Variants in ZFYVE9 observed in about 807,000 individuals in gnomAD.
ZFYVE9 encodes zinc finger FYVE-type containing 9, also known as zinc finger FYVE domain-containing protein 9.
ZFYVE9 carries 43 observed loss-of-function variants against 126.7 expected under a neutral mutation model. The ratio of observed to expected loss-of-function variants is 0.34; its 90% CI spans 0.27 to 0.44. The LOEUF is 0.44. ZFYVE9 is among the 20% of genes least tolerant of loss of function. The pLI is 1.00. For synonymous variants in ZFYVE9, 521 were observed against 597.4 expected (o/e 0.87, Z 1.87); for missense variants, 1,476 against 1,697.0 (o/e 0.87, Z 2.29).
chr1:52,167,051 G>T (rs12077487), intron 1 of ZFYVE9, among the ~76,000 whole-genome samples: 5,435 of 152,238 alleles, frequency 0.036, 239 homozygotes, highest in African/African-American at 0.11. Context: ...AAAAAGTTTT[G>T]CAAAAGGAGT....
chr1:52,285,470 G>A (rs576113562), intron 10 of ZFYVE9, among the ~76,000 whole-genome samples: 2 of 152,242 alleles, frequency 1.3e-5, no homozygotes, highest in African/African-American at 4.8e-5. Flanking sequence ...GCTCACGTTA[G>A]CGCCTGAGCT....
At chr1:52,340,334 T>C (rs1646422464) in intron 17 of ZFYVE9, 103 bp downstream of exon 17, 2 of 803,474 alleles carry the variant, frequency 2.5e-6, no homozygotes, top group Admixed American at 5.3e-5. Context: ...GAAAAAAATA[T>C]CTCTGAGAAA....
chr1:52,333,667 C>T (rs769025932), intron 14 of ZFYVE9, among the ~76,000 whole-genome samples: 36 of 152,018 alleles, frequency 2.4e-4, no homozygotes, highest in Non-Finnish European at 3.5e-4. Flanking sequence ...TAAGAAACCC[C>T]GTGTTAGGCC....
intron 1 of ZFYVE9, among the ~76,000 whole-genome samples, chr1:52,175,448 C>G (rs2124530703): frequency 6.6e-6 from 1 of 151,730 alleles, no homozygotes; most frequent in South Asian, 2.1e-4. Context: ...TTTTTTCCTT[C>G]ATTTCAACTT....
intron 17 of ZFYVE9, among the ~76,000 whole-genome samples, chr1:52,341,351 T>G (rs961453047): frequency 6.6e-6 from 1 of 152,248 alleles, no homozygotes; most frequent in African/African-American, 2.4e-5. Context: ...CCCACTGTAT[T>G]AATTTGCTCC....
rs189293991 is a variant in ZFYVE9 at position 52,231,393 on chromosome 1, C to G, written c.-36-1778C>G. ...ATTAGCCAGGCATGGTGGCACACAC[C>G]TGTAGCCCCAGCTACTCTGGAGGGT... On this transcript the variant is annotated intron_variant, in intron 2 of 18. Transcript: ENST00000287727. 7.7e-3 allele frequency among the ~76,000 whole-genome samples: 1,166 copies of G among 151,990 alleles called. 5 individuals are homozygous for G. Among genetic ancestry groups the G allele is most frequent in the Non-Finnish European group, 0.01 (703 of 67,996 alleles).
At chr1:52,147,649 A>G (rs1644317207) in intron 1 of ZFYVE9, among the ~76,000 whole-genome samples, 2 of 152,178 alleles carry the variant, frequency 1.3e-5, no homozygotes, top group East Asian at 1.9e-4. Flanking sequence ...CTTTTTGGCT[A>G]CTATAAATAA....
chr1:52,280,769 A>T (rs1420430639), intron 9 of ZFYVE9, among the ~76,000 whole-genome samples: 1 of 152,114 alleles, frequency 6.6e-6, no homozygotes, highest in Non-Finnish European at 1.5e-5. Context: ...ATTATCTAGA[A>T]TTTTTTCCTG....
intron 1 of ZFYVE9, chr1:52,180,043 C>G: frequency 1.2e-6 from 1 of 831,692 alleles, no homozygotes; most frequent in Non-Finnish European, 2.1e-6. Flanking sequence ...GATGAATGTG[C>G]TATTGAAATG....
Position 52,238,571 on chromosome 1 carries a change from A to T in ZFYVE9, c.1154A>T (p.Glu385Val). The change falls in exon 4 of 19, where the codon GAA becomes GTA. Residue 385 changes from glutamate (E) to valine (V), a missense_variant. Coordinates refer to ENST00000287727, the MANE Select transcript of ZFYVE9 (RefSeq NM_004799.4). ...CATGAAGAAACTCTTGGCACTACAG[A>T]ATTCCTTAATATGACAGAGCATTTC... The part of the protein sequence containing the change: ...YEHEETLGTT[E>V]FLNMTEHFSE... 1 of 1,614,108 alleles carries T rather than the reference A, an allele frequency of 6.2e-7. No individual in the cohort carries two copies. Among genetic ancestry groups the T allele is most frequent in the South Asian group, 1.1e-5 (1 of 91,080 alleles).
intron 2 of ZFYVE9, among the ~76,000 whole-genome samples, chr1:52,224,324 G>A (rs548321024): frequency 6.6e-6 from 1 of 152,164 alleles, no homozygotes; most frequent in Non-Finnish European, 1.5e-5. Flanking sequence ...GTAGGGAGGG[G>A]AAGGACTGAG....
chr1:52,175,466 T>A (rs1205398483), intron 1 of ZFYVE9, among the ~76,000 whole-genome samples: 1 of 151,424 alleles, frequency 6.6e-6, no homozygotes, highest in Non-Finnish European at 1.5e-5. Flanking sequence ...CTTTGGTGAA[T>A]CTGACAATTA....
intron 15 of ZFYVE9, among the ~76,000 whole-genome samples, chr1:52,336,330 C>T (rs1434624840): frequency 6.7e-6 from 1 of 148,310 alleles, no homozygotes; most frequent in East Asian, 2.0e-4. Context: ...AGAAACATGC[C>T]GTTAACAAAT....
At chr1:52,222,292 T>G (rs1046931451) in intron 2 of ZFYVE9, among the ~76,000 whole-genome samples, 1 of 152,198 alleles carries the variant, frequency 6.6e-6, no homozygotes, top group Admixed American at 6.5e-5. Flanking sequence ...CTGTGAACCC[T>G]TGGGGCAAGA....
intron 4 of ZFYVE9, among the ~76,000 whole-genome samples, chr1:52,257,540 T>C (rs1280097731): frequency 6.6e-6 from 1 of 152,216 alleles, no homozygotes; most frequent in Non-Finnish European, 1.5e-5. Context: ...GTCATACGGA[T>C]CCTGCCATAT....
At position 52,233,213 on chromosome 1, in the gene ZFYVE9, A is replaced by G. The variant is rs1192866983; in HGVS notation, c.7A>G (p.Asn3Asp). 1 of 1,578,768 alleles carries G rather than the reference A, an allele frequency of 6.3e-7. No individual in the cohort carries two copies. The highest frequency in any genetic ancestry group is 1.7e-5 in the Admixed American group (1 of 58,400). The change falls in exon 3 of 19, where the codon AAT (asparagine) becomes GAT (aspartate). Residue 3 changes from asparagine (N) to aspartate (D), a missense_variant. Physicochemically the swap from Asn to Asp is conservative, Grantham distance 23 (BLOSUM62 1). Around this residue, in one of 2 missense-constraint regions of ZFYVE9, gnomAD observed 807 missense variants for 794.6 expected, o/e 1.02. Transcript: ENST00000287727. ME[N>D]YFQAEAYNLD... ...AAGTGGTGTTTCCTCACCGATGGAG[A>G]ATTACTTCCAAGCAGAAGCTTACAA...
At position 52,238,375 on chromosome 1, in the gene ZFYVE9, A is replaced by G; in HGVS notation, c.958A>G (p.Lys320Glu). 1 of 1,613,868 alleles carries G rather than the reference A, an allele frequency of 6.2e-7. No individual in the cohort carries two copies. The highest frequency in any genetic ancestry group is 2.2e-5 in the East Asian group (1 of 44,878). ...CCACATGAGTGAGGGGATTTTGATG[A>G]AAAAAGAGCCAGCAGAGGAGAGCAC... ...FSHMSEGILMKKEPAEESTTE... is the reference protein window; with the variant it reads ...FSHMSEGILMEKEPAEESTTE... Residue 320 changes from lysine (K) to glutamate (E), a missense_variant, in exon 4 of 19, where the codon AAA becomes GAA. Physicochemically the swap from Lys to Glu is moderately conservative, Grantham distance 56 (BLOSUM62 1). Transcript: ENST00000287727.
In ZFYVE9 at chr1:52,155,071, A is replaced by G. The variant is rs78441356; in HGVS notation, c.-143+12668A>G. 4.8e-3 allele frequency among the ~76,000 whole-genome samples: 737 copies of G among 152,122 alleles called. 6 individuals carry two copies. Among genetic ancestry groups the G allele is most frequent in the African/African-American group, 0.017 (707 of 41,504 alleles). ...TTTTGATCCTTGATGTGCCATTCCT[A>G]TCTTATAATGGATTGCTGCTATGCT... On this transcript the variant is annotated intron_variant, in intron 1 of 18. Transcript: ENST00000287727.
At chr1:52,199,108 C>G (rs1440386567) in intron 1 of ZFYVE9, among the ~76,000 whole-genome samples, 2 of 151,448 alleles carry the variant, frequency 1.3e-5, no homozygotes, top group Non-Finnish European at 2.9e-5. Context: ...CTCTGTCACT[C>G]AGGCTGGAGT....
Sources: gnomAD v4.1 joint callset for allele counts (sites outside exome capture counted in the v4.1 genomes callset) on GRCh38, gnomAD v4.1.1 for gene constraint, gnomAD v4.1.1 regional missense constraint, MANE v1.5 for transcripts, NCBI Gene and HGNC (gene_info 2026-07-23, HGNC 2026-07-21) for gene names.